CBX6: variants seen among roughly 807,000 people sequenced by gnomAD.
CBX6 encodes chromobox protein homolog 6.
CBX6 carries 7 observed loss-of-function variants against 28.4 expected under a neutral mutation model. That is an observed-to-expected ratio of 0.25 (90% CI 0.14 to 0.46). The LOEUF (loss-of-function observed/expected upper bound fraction) is 0.46, where lower values mean the gene tolerates loss of function less well. Ranked by LOEUF, CBX6 falls within the 20% of genes least tolerant of loss-of-function variation. The pLI is 0.99. For missense variants in CBX6, 512 were observed against 606.1 expected, an observed-to-expected ratio of 0.84 and a Z score of 1.63; for synonymous variants, 297 against 273.4, an observed-to-expected ratio of 1.09 and a Z score of -0.85.
At position 38,866,139 on chromosome 22, in the gene CBX6, T is replaced by C; in HGVS notation, c.*70A>G. 9.1e-7 allele frequency: 1 copy of C among 1,103,734 alleles called. No homozygotes were observed. Among genetic ancestry groups the C allele is most frequent in the Non-Finnish European group, 1.3e-6 (1 of 767,878 alleles). The allele number at this position is 1,103,734 out of a possible 1,614,324, so 68.4% of individuals were successfully genotyped here. On this transcript the variant is annotated 3_prime_UTR_variant, in exon 5 of 5. Transcript: ENST00000407418. This position sits in a 1 kb window ranked among gnomAD's most constrained non-coding sequence, Gnocchi z 7.5. ...AGGGAGAGAGGGCTGGGGGCAAGGG[T>C]GGGGTGGGAGCAAGAGTATGACTTC...
chr22:38,869,747 C>A (rs910302519), intron 4 of CBX6: 1 of 152,158 alleles, frequency 6.6e-6, no homozygotes, highest in African/African-American at 2.4e-5. Flanking sequence ...GGTTTAAGCA[C>A]CTGAACTCTA....
At position 38,866,242 on chromosome 22, in the gene CBX6, AGCGGCGCCT is replaced by A. The variant is rs1316018735; in HGVS notation, c.1197_1205del (p.Ala401_Gly403del). ...TCGCCCCAATGCTGCCACCGCCCCCAGCGGCGCCTGCTACCCCAGCAGCCACCTTCTCGA... is the reference window on the plus strand; with the variant it reads ...TCGCCCCAATGCTGCCACCGCCCCCAGCTACCCCAGCAGCCACCTTCTCGA... On this transcript the variant is annotated inframe_deletion, in exon 5 of 5. Coordinates refer to ENST00000407418, the MANE Select transcript of CBX6 (RefSeq NM_014292.5). This position sits in a 1 kb window ranked among gnomAD's most constrained non-coding sequence, Gnocchi z 7.5. 6.2e-7 allele frequency: 1 copy of A among 1,611,822 alleles called. No individual in the cohort carries two copies. Among genetic ancestry groups the A allele is most frequent in the South Asian group, 1.1e-5 (1 of 90,926 alleles).
In CBX6 at chr22:38,871,205, C is replaced by T; in HGVS notation, c.246+275G>A. ...GCATCCCCCACCTGCCTCAGCCACC[C>T]CCTTTCCTGGAGCCCTAAAGGCATC... On this transcript the variant is annotated intron_variant, in intron 4 of 4. Coordinates refer to ENST00000407418, the MANE Select transcript of CBX6 (RefSeq NM_014292.5). This position sits in a 1 kb window ranked among gnomAD's most constrained non-coding sequence, Gnocchi z 5.6. The T allele has an allele frequency of 1.8e-6, 1 of 545,938 alleles. No homozygotes were observed. The highest frequency in any genetic ancestry group is 3.5e-5 in the Admixed American group (1 of 28,538). 33.8% of individuals were successfully genotyped at this position (545,938 alleles called of 1,614,324 possible). A position where few individuals can be genotyped will look rare whatever the true frequency, so the allele number is the denominator to read the frequency against.
chr22:38,866,178 C>T lies in CBX6; in HGVS notation c.*31G>A. On this transcript the variant is annotated 3_prime_UTR_variant, in exon 5 of 5. Transcript: ENST00000407418. This position sits in a 1 kb window ranked among gnomAD's most constrained non-coding sequence, Gnocchi z 7.5. ...GAGTATGACTTCGGGCAGGAGGGCC[C>T]CCCCAAGCCCCCCTCCTTGGTGGAG... The T allele has an allele frequency of 6.7e-7, 1 of 1,485,218 alleles. No homozygotes were observed. The highest frequency in any genetic ancestry group is 1.2e-5 in the South Asian group (1 of 82,574). The allele number at this position is 1,485,218 out of a possible 1,614,324, so 92.0% of individuals were successfully genotyped here.
Sources: allele counts gnomAD v4.1 joint callset, GRCh38; gene constraint gnomAD v4.1.1; non-coding constraint Gnocchi (gnomAD v3.1); transcripts MANE v1.5; gene names NCBI Gene and HGNC (gene_info 2026-07-23, HGNC 2026-07-21).